The following WDR31 variants were observed in gnomAD, a reference collection of about 807,000 sequenced individuals.
WDR31 encodes the protein WD repeat-containing protein 31.
WDR31 carries 30 observed loss-of-function variants against 47.3 expected under a neutral mutation model. The ratio of observed to expected loss-of-function variants is 0.63; its 90% confidence interval spans 0.47 to 0.86. The LOEUF (loss-of-function observed/expected upper bound fraction) is 0.86. Among genes scored for constraint, WDR31 ranks in the 40% least tolerant of loss-of-function variants. The pLI is 0.00. For synonymous variants in WDR31, 137 were observed against 159.4 expected, an observed-to-expected ratio of 0.86 and a Z score of 1.06; for missense variants, 406 against 442.9, an observed-to-expected ratio of 0.92 and a Z score of 0.75.
chr9:113,329,331 G>GTTT (rs61111179), intron 4 of WDR31, among the ~76,000 whole-genome samples: 3 of 145,708 alleles, frequency 2.1e-5, no homozygotes, highest in African/African-American at 7.5e-5. Flanking sequence ...TTGTTGTGGT[G>GTTT]TTTTTTTTTT....
chr9:113,320,505 GA>G lies in WDR31; in HGVS notation c.639-8del. 6.2e-7 allele frequency: 1 copy of G among 1,612,936 alleles called. No homozygotes were observed. Among genetic ancestry groups the G allele is most frequent in the Non-Finnish European group, 8.5e-7 (1 of 1,179,396 alleles). On this transcript the variant is annotated splice_region_variant and splice_polypyrimidine_tract_variant and intron_variant, in intron 8 of 10. Transcript: ENST00000374193. The stretch of plus-strand genomic sequence containing the variant: ...CCCCCGACTGTCCCATAATCTGAAA[GA>G]GATTAGGGCAGGAAATTAGCTTGTA...
chr9:113,324,389 C>CTTTT (rs536508042), intron 5 of WDR31, among the ~76,000 whole-genome samples: 1 of 129,130 alleles, frequency 7.7e-6, no homozygotes, highest in Non-Finnish European at 1.6e-5. Context: ...AATTTCATTC[C>CTTTT]TTTTTTTTTT....
intron 9 of WDR31, 114 bp downstream of exon 9, chr9:113,320,243 A>G: frequency 2.2e-6 from 3 of 1,357,534 alleles, no homozygotes; most frequent in Non-Finnish European, 3.0e-6. Context: ...TGCTTTTGAA[A>G]GAGGCCTGAG....
At chr9:113,321,646 T>TTACA in intron 7 of WDR31, 68 bp from the exon 8 acceptor site, 2 of 1,440,760 alleles carry the variant, frequency 1.4e-6, no homozygotes, top group Non-Finnish European at 1.9e-6. Flanking sequence ...TCCTGTCAAA[T>TTACA]GTGCTAACTA....
At chr9:113,324,578 C>G (rs1270258659) in intron 5 of WDR31, among the ~76,000 whole-genome samples, 2 of 151,684 alleles carry the variant, frequency 1.3e-5, no homozygotes, top group Admixed American at 1.3e-4. Context: ...TCTGTAGAGA[C>G]AGGGTTTTGC....
intron 1 of WDR31, among the ~76,000 whole-genome samples, chr9:113,337,624 C>A (rs1240291023): frequency 6.6e-6 from 1 of 152,064 alleles, no homozygotes; most frequent in Non-Finnish European, 1.5e-5. Flanking sequence ...TGCCTCCATG[C>A]CCAGCTAAGT....
At chr9:113,321,694 A>C in intron 7 of WDR31, 116 bp from the exon 8 acceptor site, 1 of 962,898 alleles carries the variant, frequency 1.0e-6, no homozygotes, top group Admixed American at 2.4e-5. Flanking sequence ...CTGAACTAGC[A>C]AATTCATTTA....
chr9:113,329,037 TCTCCCTCCTCA>T (rs2118829511), intron 4 of WDR31, 82 bp from the exon 5 acceptor site: 1 of 1,275,018 alleles, frequency 7.8e-7, no homozygotes, highest in African/African-American at 1.5e-5. Context: ...CACCTTACTT[TCTCCCTCCTCA>T]CTCACTCCCT....
At chr9:113,324,013 C>G (rs376621412) in intron 5 of WDR31, among the ~76,000 whole-genome samples, 1 of 151,498 alleles carries the variant, frequency 6.6e-6, no homozygotes, top group African/African-American at 2.4e-5. Context: ...CTGTTCTGAT[C>G]TCTTCCATCG....
In WDR31 at chr9:113,340,211, AC is replaced by A. The variant is rs1463860006; in HGVS notation, c.-182+5del. 3.9e-5 allele frequency: 6 copies of A among 152,066 alleles called. No homozygotes were observed. Among genetic ancestry groups the A allele is most frequent in the African/African-American group, 1.4e-4 (6 of 41,398 alleles). The allele number at this position is 152,066 out of a possible 1,614,324, so 9.4% of individuals were successfully genotyped here. On this transcript the variant is annotated splice_donor_5th_base_variant and intron_variant, in intron 1 of 10. Coordinates refer to ENST00000374193, the MANE Select transcript of WDR31 (RefSeq NM_001012361.4). ...CCCTTTCTCCCACCTCAGGCTCAGT[AC>A]CCACCGGTGGGCTGCGGGGCTGGAG...
intron 2 of WDR31, among the ~76,000 whole-genome samples, chr9:113,333,245 T>C (rs1465682700): frequency 6.9e-6 from 1 of 144,668 alleles, no homozygotes; most frequent in Non-Finnish European, 1.6e-5. Flanking sequence ...ATGTGCACTC[T>C]GCCACAATAA....
chr9:113,322,837 CCA>C lies in WDR31; in HGVS notation c.542_543del (p.Val181GlyfsTer27). ...LLWDVVTGQS[V>X]ERASVSRNVV... The stretch of plus-strand genomic sequence containing the variant: ...ACGTTCCTGGAGACAGATGCTCTTT[CCA>C]CACTCTGTCCTGTCACCACATCCCA... On this transcript the variant is annotated frameshift_variant, in exon 7 of 11. Coordinates refer to ENST00000374193, the MANE Select transcript of WDR31 (RefSeq NM_001012361.4). LOFTEE classifies it high-confidence loss of function. 1 of 1,614,156 alleles carries C rather than the reference CCA, an allele frequency of 6.2e-7. No individual in the cohort carries two copies. Among genetic ancestry groups the C allele is most frequent in the Non-Finnish European group, 8.5e-7 (1 of 1,180,034 alleles).
intron 1 of WDR31, among the ~76,000 whole-genome samples, chr9:113,337,578 G>C (rs1230930241): frequency 6.6e-6 from 1 of 150,538 alleles, no homozygotes; most frequent in Non-Finnish European, 1.5e-5. Flanking sequence ...CAATTCTCCT[G>C]CCTCAGCCTC....
At chr9:113,328,601 G>A (rs1833527553) in intron 5 of WDR31, among the ~76,000 whole-genome samples, 3 of 152,214 alleles carry the variant, frequency 2.0e-5, no homozygotes, top group African/African-American at 7.2e-5. Flanking sequence ...TACAGTACTT[G>A]TTGAGTCAGG....
At chr9:113,323,256 C>A in intron 5 of WDR31, 101 bp from the exon 6 acceptor site, 2 of 1,391,320 alleles carry the variant, frequency 1.4e-6, no homozygotes, top group South Asian at 2.8e-5. Context: ...TCCCTCCCCA[C>A]ACACACTTCT....
chr9:113,323,423 A>C (rs1751645529), intron 5 of WDR31, among the ~76,000 whole-genome samples: 1 of 151,974 alleles, frequency 6.6e-6, no homozygotes, highest in Non-Finnish European at 1.5e-5. Context: ...CACCACGCCC[A>C]GCTAATTTTT....
chr9:113,331,143 C>T, intron 3 of WDR31, 27 bp from the exon 4 acceptor site: 1 of 1,472,320 alleles, frequency 6.8e-7, no homozygotes, highest in Non-Finnish European at 9.1e-7. Context: ...AAATGAGAGA[C>T]CCAATGGCAT....
intron 1 of WDR31, among the ~76,000 whole-genome samples, chr9:113,338,744 G>A (rs1225838746): frequency 6.6e-6 from 1 of 151,882 alleles, no homozygotes; most frequent in Non-Finnish European, 1.5e-5. Flanking sequence ...TCAGCTTCCT[G>A]AGTAGCTGGG....
chr9:113,334,002 T>C (rs1260150526), intron 2 of WDR31, among the ~76,000 whole-genome samples: 1 of 151,718 alleles, frequency 6.6e-6, no homozygotes, highest in Non-Finnish European at 1.5e-5. Context: ...TTCTTTTTCC[T>C]TCTCCTTCTC....
Sources: allele counts gnomAD v4.1 joint callset (sites outside exome capture counted in the v4.1 genomes callset), GRCh38; gene constraint gnomAD v4.1.1; transcripts MANE v1.5; gene names NCBI Gene and HGNC (gene_info 2026-07-23, HGNC 2026-07-21).